The following DGLUCY variants were observed in gnomAD, a reference collection of about 807,000 sequenced individuals.
The protein encoded by DGLUCY is D-glutamate cyclase.
Under a neutral mutation model 58.5 loss-of-function variants are expected in DGLUCY, and 58 were observed. That is an observed-to-expected ratio of 0.99 (90% CI 0.80 to 1.23). The LOEUF (loss-of-function observed/expected upper bound fraction) is 1.23. Ranked by LOEUF, DGLUCY falls within the 50% of genes most tolerant of loss-of-function variation. The pLI is 0.00. For synonymous variants in DGLUCY, 325 were observed against 314.1 expected (o/e 1.03, Z -0.37); for missense variants, 779 against 784.7 (o/e 0.99, Z 0.09).
rs1316723995 is a variant in DGLUCY, at chr14:91,062,559, ATATATATATATAT to A, written c.-82+1856_-82+1868del. On this transcript the variant is annotated intron_variant, in intron 1 of 4. Coordinates refer to the DGLUCY transcript ENST00000521334. ...CGAGACTCTGTCTAAAAAAAAAAAA[ATATATATATATAT>A]ATATATATATATATATATATATATA... Among the ~76,000 whole-genome samples, 7 of 18,600 alleles carry A rather than the reference ATATATATATATAT, an allele frequency of 3.8e-4. 1 individual carries two copies. The highest frequency in any genetic ancestry group is 8.3e-4 in the Admixed American group (1 of 1,200). 12.2% of individuals were successfully genotyped at this position (18,600 alleles called of 152,430 possible). A position where few individuals can be genotyped will look rare whatever the true frequency, so the allele number is the denominator to read the frequency against.
chr14:91,215,740 A>T, intron 13 of DGLUCY, 184 bp downstream of exon 13: 1 of 1,479,970 alleles, frequency 6.8e-7, no homozygotes. Flanking sequence ...CGCAGTTCTG[A>T]ATCGTGTGGC....
chr14:91,109,829 G>C (rs926973649), upstream of DGLUCY, among the ~76,000 whole-genome samples: 2 of 152,178 alleles, frequency 1.3e-5, no homozygotes, highest in Non-Finnish European at 2.9e-5. Flanking sequence ...ATTTGGAGGG[G>C]ATATAAACAT....
At chr14:91,073,583 C>T (rs888715752) in intron 1 of DGLUCY, among the ~76,000 whole-genome samples, 28 of 152,136 alleles carry the variant, frequency 1.8e-4, no homozygotes, top group Admixed American at 1.2e-3. Context: ...GATCCATCCC[C>T]GTCGGGATTA....
chr14:91,111,949 T>C (rs2044708998), upstream of DGLUCY, among the ~76,000 whole-genome samples: 1 of 152,176 alleles, frequency 6.6e-6, no homozygotes, highest in African/African-American at 2.4e-5. Context: ...CTAATAAAGC[T>C]TAACATGGCC....
chr14:91,199,944 C>A lies in DGLUCY; in HGVS notation c.1444+39C>A, dbSNP rs774495736. 1.9e-6 allele frequency: 3 copies of A among 1,611,172 alleles called. No homozygotes were observed. In the Admixed American group the frequency reaches 5.0e-5, roughly 27 times the overall value. ...ACTGGGGATGCACCAAGAACGTGGC[C>A]CCATGAAGTGTCTTTTGTTGTTGTT... On this transcript the variant is annotated intron_variant, in intron 11 of 13. Coordinates refer to ENST00000256324, the MANE Select transcript of DGLUCY (RefSeq NM_001102368.3).
At chr14:91,083,596 T>C (rs1392656700) in intron 1 of DGLUCY, among the ~76,000 whole-genome samples, 1 of 151,726 alleles carries the variant, frequency 6.6e-6, no homozygotes, top group Non-Finnish European at 1.5e-5. Flanking sequence ...GATGTCCTAC[T>C]GTCAGCAAGC....
At chr14:91,095,448 A>G (rs998572239) in intron 1 of DGLUCY, among the ~76,000 whole-genome samples, 7 of 152,188 alleles carry the variant, frequency 4.6e-5, no homozygotes, top group Admixed American at 2.0e-4. Context: ...CCGCATCTTT[A>G]CACGTGAAGG....
chr14:91,126,080 A>C lies in DGLUCY; in HGVS notation c.-82+11797A>C, dbSNP rs552485856. Among the ~76,000 whole-genome samples, 61 of 152,310 alleles carry C rather than the reference A, an allele frequency of 4.0e-4. 1 individual carries two copies. The South Asian group carries it at 0.012, about 29-fold the overall frequency. On this transcript the variant is annotated intron_variant, in intron 1 of 13. Transcript: ENST00000256324. ...GTCTGAGATAGTGACTGACAGCCCC[A>C]CTGGGTACTGGGGGACACTTTTCCA...
At chr14:91,185,188 C>T (rs1447139244) in intron 8 of DGLUCY, among the ~76,000 whole-genome samples, 2 of 150,964 alleles carry the variant, frequency 1.3e-5, no homozygotes, top group Non-Finnish European at 2.9e-5. Context: ...AGGCTTGTCT[C>T]GAACTCCTGG....
At chr14:91,162,158 C>T (rs1363307284) in intron 3 of DGLUCY, among the ~76,000 whole-genome samples, 1 of 152,172 alleles carries the variant, frequency 6.6e-6, no homozygotes, top group Admixed American at 6.5e-5. Flanking sequence ...GAGCTGTTCC[C>T]CGCTGCCGTG....
chr14:91,064,300 A>G (rs1220036334), intron 1 of DGLUCY, among the ~76,000 whole-genome samples: 1 of 152,158 alleles, frequency 6.6e-6, no homozygotes, highest in African/African-American at 2.4e-5. Context: ...TCACTGGCAC[A>G]TAGATGACAT....
At chr14:91,207,756 T>A (rs1181433001) in intron 12 of DGLUCY, among the ~76,000 whole-genome samples, 6 of 152,066 alleles carry the variant, frequency 3.9e-5, no homozygotes, top group African/African-American at 7.2e-5. Flanking sequence ...TCTTTTTTCT[T>A]TTTTTTTGAG....
At chr14:91,119,331 T>C (rs2045208304) in intron 1 of DGLUCY, among the ~76,000 whole-genome samples, 1 of 152,074 alleles carries the variant, frequency 6.6e-6, no homozygotes, top group African/African-American at 2.4e-5. Flanking sequence ...ATGATATACC[T>C]CAGAGTTGTA....
intron 1 of DGLUCY, among the ~76,000 whole-genome samples, chr14:91,127,464 C>T (rs927933959): frequency 6.6e-6 from 1 of 152,272 alleles, no homozygotes; most frequent in Non-Finnish European, 1.5e-5. Flanking sequence ...CCCCTCTACA[C>T]CCCGTTCTCC....
At position 91,215,544 on chromosome 14, in the gene DGLUCY, G is replaced by A. The variant is rs34424078; in HGVS notation, c.1704G>A (p.Pro568=). 136,538 of 1,613,788 alleles carry A rather than the reference G, an allele frequency of 0.085. 6,563 individuals carry two copies. Among genetic ancestry groups the A allele is most frequent in the South Asian group, 0.15 (13,840 of 91,072 alleles). The change falls in exon 13 of 14, where the codon CCG becomes CCA. Residue 568 remains proline (P), a synonymous_variant. Transcript: ENST00000256324. ...PGDQAWTQAL[P]SVIKEEKMLG... ...ATCAGGCCTGGACTCAGGCCCTCCC[G>A]TCGGTCATTAAGGTAACAAACCCCA... is the stretch of plus-strand genomic sequence containing the variant.
upstream of DGLUCY, among the ~76,000 whole-genome samples, chr14:91,111,750 A>G (rs1237060035): frequency 6.6e-6 from 1 of 152,226 alleles, no homozygotes; most frequent in Non-Finnish European, 1.5e-5. Context: ...ACAAATGTCA[A>G]TGCATGAATT....
Position 91,225,005 on chromosome 14 carries a change from G to A in DGLUCY, c.*172G>A. 3 of 684,480 alleles carry A rather than the reference G, an allele frequency of 4.4e-6. 1 individual carries two copies. Among genetic ancestry groups the A allele is most frequent in the Non-Finnish European group, 6.7e-6 (3 of 446,612 alleles). 42.4% of individuals were successfully genotyped at this position (684,480 alleles called of 1,614,324 possible). The stretch of plus-strand genomic sequence containing the variant: ...CCACTTTCTGGGAGGGGTTAGTGCA[G>A]GTGCTGTGGACAAAGGACAACATTT... On this transcript the variant is annotated 3_prime_UTR_variant, in exon 14 of 14. Coordinates refer to ENST00000256324, the MANE Select transcript of DGLUCY (RefSeq NM_001102368.3).
intron 3 of DGLUCY, 36 bp downstream of exon 3, chr14:91,160,433 AAAAAAAAAG>A (rs1566974114): frequency 1.4e-6 from 2 of 1,446,660 alleles, no homozygotes; most frequent in South Asian, 2.5e-5. Flanking sequence ...AAAAAAAAAA[AAAAAAAAAG>A]AAAGTTCCTG....
At position 91,083,718 on chromosome 14, in the gene DGLUCY, G is replaced by GT. The variant is rs569715493; in HGVS notation, c.-82+23023dup. ...CAGAGATGCCAGCAATGTTTTTCTG[G>GT]TTTTTTTTTAATAATGTGTCAGAAA... On this transcript the variant is annotated intron_variant, in intron 1 of 4. Transcript: ENST00000521334. 3.4e-4 allele frequency among the ~76,000 whole-genome samples: 51 copies of GT among 151,180 alleles called. 1 individual carries two copies. In the South Asian group the frequency reaches 4.4e-3, roughly 13 times the overall value.
Sources: allele counts gnomAD v4.1 joint callset (sites outside exome capture counted in the v4.1 genomes callset), GRCh38; gene constraint gnomAD v4.1.1; transcripts MANE v1.5; gene names NCBI Gene and HGNC (gene_info 2026-07-23, HGNC 2026-07-21).